PSD3: variants seen among roughly 807,000 people sequenced by gnomAD.
The protein encoded by PSD3 is PH and SEC7 domain-containing protein 3.
PSD3 carries 49 observed loss-of-function variants against 105.5 expected under a neutral mutation model. That is an observed-to-expected ratio of 0.46 (90% CI 0.37 to 0.59). The LOEUF (loss-of-function observed/expected upper bound fraction) is 0.59, where lower values mean the gene tolerates loss of function less well. PSD3 is among the 20% of genes least tolerant of loss of function. The pLI, the probability that PSD3 is intolerant of heterozygous loss-of-function variation, is 0.00. For missense variants in PSD3, 1,561 were observed against 1,263.8 expected, an observed-to-expected ratio of 1.24 and a Z score of -3.57; for synonymous variants, 557 against 457.8, an observed-to-expected ratio of 1.22 and a Z score of -2.77.
chr8:18,592,306 C>T (rs1277856561), intron 12 of PSD3, among the ~76,000 whole-genome samples: 5 of 151,936 alleles, frequency 3.3e-5, no homozygotes, highest in African/African-American at 4.8e-5. Context: ...AACTTGAAAA[C>T]GGGCCATTTG....
chr8:18,933,565 T>G (rs1367413632), intron 2 of PSD3, among the ~76,000 whole-genome samples: 2 of 152,200 alleles, frequency 1.3e-5, no homozygotes, highest in African/African-American at 4.8e-5. Flanking sequence ...CCTCCTGGGC[T>G]CAAACGATTC....
chr8:18,607,788 G>C (rs1313331322), intron 11 of PSD3, among the ~76,000 whole-genome samples: 1 of 151,270 alleles, frequency 6.6e-6, no homozygotes, highest in Non-Finnish European at 1.5e-5. Context: ...ATAAAGGGAA[G>C]AGGTTTAACT....
chr8:18,779,734 A>C (rs535788965), intron 8 of PSD3, among the ~76,000 whole-genome samples: 1 of 152,072 alleles, frequency 6.6e-6, no homozygotes, highest in African/African-American at 2.4e-5. Context: ...TTGTATTTGT[A>C]CAATTTCCAA....
In PSD3 at chr8:19,057,162, A is replaced by C. The variant is rs148030827; in HGVS notation, c.324+27044T>G. Among the ~76,000 whole-genome samples the C allele has an allele frequency of 1.8e-4, 27 of 152,206 alleles. No individual in the cohort carries two copies. The East Asian group carries it at 4.6e-3, about 26-fold the overall frequency. On this transcript the variant is annotated intron_variant, in intron 1 of 1. Transcript: ENST00000521475. Reference sequence around the variant, plus strand: ...CACTGGCATATGAACATGTTTGACTATCTCTTTATGCATTCTTCCACCCGC... The same window carrying C: ...CACTGGCATATGAACATGTTTGACTCTCTCTTTATGCATTCTTCCACCCGC...
chr8:18,813,096 C>T (rs748852879), intron 4 of PSD3, among the ~76,000 whole-genome samples: 4 of 152,124 alleles, frequency 2.6e-5, no homozygotes, highest in Non-Finnish European at 5.9e-5. Context: ...AAGGAAAAGC[C>T]TCCTCCGAAA....
chr8:18,714,986 T>C (rs571460951), intron 9 of PSD3, among the ~76,000 whole-genome samples: 2 of 152,244 alleles, frequency 1.3e-5, no homozygotes, highest in African/African-American at 2.4e-5. Flanking sequence ...TGCAGGGACA[T>C]GGATAGATCT....
At chr8:19,008,409 T>C (rs193233589) in intron 1 of PSD3, among the ~76,000 whole-genome samples, 125 of 152,276 alleles carry the variant, frequency 8.2e-4, no homozygotes, top group African/African-American at 2.5e-3. Flanking sequence ...ATTTTTCCAA[T>C]ATAACTTCGC....
chr8:19,061,016 A>T (rs1828878897), intron 1 of PSD3, among the ~76,000 whole-genome samples: 1 of 152,144 alleles, frequency 6.6e-6, no homozygotes, highest in African/African-American at 2.4e-5. Context: ...AGTGGGGCAC[A>T]TTCATTAGCC....
At chr8:18,547,008 T>A (rs574613736) in intron 15 of PSD3, among the ~76,000 whole-genome samples, 1 of 152,168 alleles carries the variant, frequency 6.6e-6, no homozygotes, top group African/African-American at 2.4e-5. Context: ...TGGTGGGTCA[T>A]CTGGGCTGTT....
Position 18,767,682 on chromosome 8 carries a change from G to C in PSD3, c.2083-2144C>G, listed in dbSNP as rs988278625. Among the ~76,000 whole-genome samples, 12 of 152,162 alleles carry C rather than the reference G, an allele frequency of 7.9e-5. No homozygotes were observed. In the East Asian group the frequency reaches 2.3e-3, roughly 29 times the overall value. ...TAACTGCTTGAACCCGGGAGGTGGA[G>C]GATGCAGTGAGCAGAGATCGTGCCA... On this transcript the variant is annotated intron_variant, in intron 8 of 15. Transcript: ENST00000327040.
At chr8:18,579,479 C>G (rs1802672499) in intron 12 of PSD3, among the ~76,000 whole-genome samples, 1 of 152,142 alleles carries the variant, frequency 6.6e-6, no homozygotes, top group Non-Finnish European at 1.5e-5. Context: ...ATGTTACTCT[C>G]TCGTGTTCCC....
exon 1 of PSD3, chr8:19,084,377 C>T (rs780726687): frequency 7.9e-5 from 36 of 456,120 alleles, no homozygotes; most frequent in East Asian, 2.1e-4. Flanking sequence ...CAGTCCTTTC[C>T]GCTCCATCTG....
intron 1 of PSD3, among the ~76,000 whole-genome samples, chr8:18,971,275 C>T (rs545798540): frequency 4.6e-5 from 7 of 152,278 alleles, no homozygotes; most frequent in Admixed American, 1.3e-4. Flanking sequence ...CAGGCTCAGG[C>T]GGGAACAAGC....
intron 2 of PSD3, among the ~76,000 whole-genome samples, chr8:18,934,295 T>C (rs1339046505): frequency 6.6e-6 from 1 of 152,182 alleles, no homozygotes; most frequent in African/African-American, 2.4e-5. Context: ...AAATTAAGGA[T>C]TGCACTTATA....
intron 2 of PSD3, among the ~76,000 whole-genome samples, chr8:18,901,263 A>G (rs1482418226): frequency 1.3e-5 from 2 of 152,190 alleles, no homozygotes; most frequent in Non-Finnish European, 2.9e-5. Context: ...TATTGTTTAA[A>G]ATATTTGAAT....
At chr8:18,538,456 A>C (rs1193314971) in intron 15 of PSD3, among the ~76,000 whole-genome samples, 1 of 152,218 alleles carries the variant, frequency 6.6e-6, no homozygotes, top group African/African-American at 2.4e-5. Context: ...TTATGAATTT[A>C]TTAATTAATC....
chr8:18,605,427 C>T (rs761654809), intron 11 of PSD3, among the ~76,000 whole-genome samples: 1 of 152,138 alleles, frequency 6.6e-6, no homozygotes. Context: ...TTCCCAATCC[C>T]TGTATCCCCA....
chr8:19,018,632 G>GA (rs1053039299), upstream of PSD3, among the ~76,000 whole-genome samples: 1 of 152,186 alleles, frequency 6.6e-6, no homozygotes, highest in African/African-American at 2.4e-5. Context: ...CTGAAGCTGA[G>GA]AACATCTTGC....
At chr8:19,084,527 C>T (rs1829747397) in exon 1 of PSD3, 1 of 413,490 alleles carries the variant, frequency 2.4e-6, no homozygotes, top group African/African-American at 2.0e-5. Context: ...TTTCATCACT[C>T]ATGATGGGAG....
Sources: gnomAD v4.1 joint callset for allele counts (sites outside exome capture counted in the v4.1 genomes callset) on GRCh38, gnomAD v4.1.1 for gene constraint, MANE v1.5 for transcripts, NCBI Gene and HGNC (gene_info 2026-07-23, HGNC 2026-07-21) for gene names.